SLC23A2: variants seen among roughly 807,000 people sequenced by gnomAD.
SLC23A2 encodes the protein Na(+)/L-ascorbic acid transporter 2.
In SLC23A2, 36 loss-of-function variants were observed where a neutral mutation model predicts 73.3. The ratio of observed to expected loss-of-function variants is 0.49; its 90% confidence interval spans 0.38 to 0.65. The LOEUF (loss-of-function observed/expected upper bound fraction) is 0.65. Among genes scored for constraint, SLC23A2 ranks in the 30% least tolerant of loss-of-function variants. SLC23A2 has a pLI of 0.00. For missense variants in SLC23A2, 507 were observed against 841.6 expected, an observed-to-expected ratio of 0.60 and a Z score of 4.92; for synonymous variants, 343 against 327.3, an observed-to-expected ratio of 1.05 and a Z score of -0.52.
chr20:4,859,665 T>C (rs1929881007), intron 15 of SLC23A2, among the ~76,000 whole-genome samples: 1 of 152,134 alleles, frequency 6.6e-6, no homozygotes, highest in Non-Finnish European at 1.5e-5. Flanking sequence ...TACAACGAAC[T>C]GTGAAGCCAC....
At chr20:4,904,636 C>A (rs1401508553) in intron 4 of SLC23A2, among the ~76,000 whole-genome samples, 1 of 152,200 alleles carries the variant, frequency 6.6e-6, no homozygotes, top group Non-Finnish European at 1.5e-5. Context: ...AACAGCACCG[C>A]GTCAGCTACA....
rs78394327 is a variant in SLC23A2 at position 4,941,693 on chromosome 20, C to T, written c.-154-8977G>A. Among the ~76,000 whole-genome samples the T allele has an allele frequency of 7.3e-4, 109 of 149,290 alleles. 1 individual carries two copies. Among genetic ancestry groups the T allele is most frequent in the African/African-American group, 2.6e-3 (104 of 40,444 alleles). On this transcript the variant is annotated intron_variant, in intron 2 of 16. Transcript: ENST00000338244. The stretch of plus-strand genomic sequence containing the variant: ...CTCCAGTCTGGGTGACAGGGTGAGA[C>T]TCTGTCTCGAGGAAAAAAAAAAAAA...
chr20:5,003,079 G>A (rs2088148539), upstream of SLC23A2, among the ~76,000 whole-genome samples: 1 of 152,148 alleles, frequency 6.6e-6, no homozygotes, highest in Non-Finnish European at 1.5e-5. Context: ...GTTGAAGATG[G>A]AGAAAATAAA....
At position 4,872,464 on chromosome 20, in the gene SLC23A2, G is replaced by A. The variant is rs920077907; in HGVS notation, c.1102+1472C>T. ...TCCTAGTGAACTCCCTCTGGCCCCA[G>A]CACCTGTACAGCTGCCTCTCCTGGA... On this transcript the variant is annotated intron_variant, in intron 11 of 16. Coordinates refer to ENST00000338244, the MANE Select transcript of SLC23A2 (RefSeq NM_005116.6). The surrounding 1 kb of genome is among the most constrained non-coding windows in gnomAD (Gnocchi z 4.4). Among the ~76,000 whole-genome samples, 1 of 152,060 alleles carries A rather than the reference G, an allele frequency of 6.6e-6. No homozygotes were observed. Among genetic ancestry groups the A allele is most frequent in the Non-Finnish European group, 1.5e-5 (1 of 68,012 alleles).
At chr20:4,920,479 G>A (rs549362822) in intron 3 of SLC23A2, among the ~76,000 whole-genome samples, 1 of 152,288 alleles carries the variant, frequency 6.6e-6, no homozygotes, top group East Asian at 1.9e-4. Flanking sequence ...AATTACACCT[G>A]AGTGAAACAA....
At chr20:4,881,936 G>A (rs1448523804) in intron 9 of SLC23A2, among the ~76,000 whole-genome samples, 1 of 151,460 alleles carries the variant, frequency 6.6e-6, no homozygotes, top group East Asian at 1.9e-4. Flanking sequence ...TTTTGTTACT[G>A]GTTTCAAATT....
At chr20:4,986,637 T>G (rs1374423494) in intron 1 of SLC23A2, among the ~76,000 whole-genome samples, 15 of 112,014 alleles carry the variant, frequency 1.3e-4, no homozygotes, top group Non-Finnish European at 1.9e-5. Flanking sequence ...CTGAGATACA[T>G]ACATACACAC....
chr20:4,926,363 A>C (rs777733991), intron 3 of SLC23A2, among the ~76,000 whole-genome samples: 1 of 152,216 alleles, frequency 6.6e-6, no homozygotes, highest in African/African-American at 2.4e-5. Context: ...CTGTGCCAAC[A>C]GGAAGTTTGG....
At chr20:5,005,034 A>AATAT (rs1223440719), upstream of SLC23A2, among the ~76,000 whole-genome samples, 1 of 150,504 alleles carries the variant, frequency 6.6e-6, no homozygotes, top group Non-Finnish European at 1.5e-5. Context: ...TAAATAAATA[A>AATAT]ATAAAAATTT....
intron 1 of SLC23A2, among the ~76,000 whole-genome samples, chr20:4,975,607 C>G (rs898399683): frequency 6.6e-6 from 1 of 151,928 alleles, no homozygotes; most frequent in Non-Finnish European, 1.5e-5. Context: ...TCTCAAACTC[C>G]TGACCTCAAG....
chr20:4,986,542 G>A (rs1476912385), intron 1 of SLC23A2, among the ~76,000 whole-genome samples: 1 of 151,750 alleles, frequency 6.6e-6, no homozygotes, highest in Non-Finnish European at 1.5e-5. Flanking sequence ...TTGAACTCCT[G>A]GCCTCAAGTG....
intron 2 of SLC23A2, among the ~76,000 whole-genome samples, chr20:4,962,541 A>G (rs1174931798): frequency 6.6e-6 from 1 of 152,212 alleles, no homozygotes; most frequent in Non-Finnish European, 1.5e-5. Flanking sequence ...TGGGCCTTGG[A>G]GAGCTGATAT....
chr20:4,854,692 C>A lies in SLC23A2; in HGVS notation c.*2280G>T, dbSNP rs6052937. On this transcript the variant is annotated 3_prime_UTR_variant, in exon 17 of 17. Transcript: ENST00000338244. ...TTAGCGGGGTTGAATCCTCCTGATA[C>A]AACCCGGCCCAAGGAGGGGCTTCAG... 0.34 allele frequency: 50,960 copies of A among 152,104 alleles called. 15,014 individuals are homozygous for A. The highest frequency in any genetic ancestry group is 0.8 in the African/African-American group (33,349 of 41,448). 9.4% of individuals were successfully genotyped at this position (152,104 alleles called of 1,614,324 possible).
chr20:4,873,516 A>G (rs1387175798), intron 11 of SLC23A2, among the ~76,000 whole-genome samples: 1 of 152,200 alleles, frequency 6.6e-6, no homozygotes, highest in Non-Finnish European at 1.5e-5. Flanking sequence ...AAGAGATTAT[A>G]TAAATTCCAT....
intron 1 of SLC23A2, among the ~76,000 whole-genome samples, chr20:4,972,433 G>T (rs1458379915): frequency 2.7e-5 from 4 of 150,376 alleles, no homozygotes; most frequent in Admixed American, 6.6e-5. Context: ...TTATTAGAAC[G>T]TGAATGAAGA....
chr20:4,959,501 G>C (rs77110652), intron 2 of SLC23A2, among the ~76,000 whole-genome samples: 3,906 of 152,070 alleles, frequency 0.026, 169 homozygotes, highest in African/African-American at 0.09. Flanking sequence ...TTTTTTATTT[G>C]TATTTATTTA....
chr20:4,861,161 T>C (rs142528509), intron 15 of SLC23A2, among the ~76,000 whole-genome samples: 342 of 152,294 alleles, frequency 2.2e-3, no homozygotes, highest in African/African-American at 7.9e-3. Context: ...ATACCTAGAA[T>C]AGACCGTGAA....
At chr20:4,992,396 C>T (rs2087939688) in intron 1 of SLC23A2, among the ~76,000 whole-genome samples, 2 of 151,142 alleles carry the variant, frequency 1.3e-5, no homozygotes, top group Admixed American at 1.3e-4. Context: ...AAACAAATAT[C>T]AGACTAATTA....
At chr20:4,960,404 A>T (rs1329129102) in intron 2 of SLC23A2, among the ~76,000 whole-genome samples, 1 of 152,222 alleles carries the variant, frequency 6.6e-6, no homozygotes, top group Non-Finnish European at 1.5e-5. Flanking sequence ...GCCAGTTAGC[A>T]TACTTCACCC....
Sources: gnomAD v4.1 joint callset for allele counts (sites outside exome capture counted in the v4.1 genomes callset) on GRCh38, gnomAD v4.1.1 for gene constraint, Gnocchi (gnomAD v3.1) non-coding constraint, MANE v1.5 for transcripts, NCBI Gene and HGNC (gene_info 2026-07-23, HGNC 2026-07-21) for gene names.